METTL22: variants seen among roughly 807,000 people sequenced by gnomAD.
METTL22 encodes the protein methyltransferase 22, Kin17 lysine, also known as methyltransferase-like protein 22.
A neutral mutation model predicts 48.4 loss-of-function variants in METTL22; 51 were observed. That is an observed-to-expected ratio of 1.05 (90% CI 0.84 to 1.33). The LOEUF (loss-of-function observed/expected upper bound fraction) is 1.33. Among genes scored for constraint, METTL22 ranks in the 40% most tolerant of loss-of-function variants. The probability of loss-of-function intolerance (pLI) is 0.00; values close to 1 mark genes in which losing one functional copy is unlikely to be tolerated. For missense variants in METTL22, 678 were observed against 526.9 expected (o/e 1.29, Z -2.81); for synonymous variants, 255 against 214.1 (o/e 1.19, Z -1.67).
chr16:8,634,264 G>A (rs1196191961), intron 3 of METTL22, among the ~76,000 whole-genome samples: 2 of 152,140 alleles, frequency 1.3e-5, no homozygotes, highest in Non-Finnish European at 2.9e-5. Flanking sequence ...TTCCTGGTTC[G>A]GGGACAGACA....
chr16:8,642,655 A>G (rs1174744662), intron 9 of METTL22, 90 bp downstream of exon 9: 1 of 1,232,238 alleles, frequency 8.1e-7, no homozygotes, highest in Non-Finnish European at 1.2e-6. Context: ...TGTCATTATG[A>G]TTGTTACTCA....
At chr16:8,661,099 C>T in the METTL22 span, among the ~76,000 whole-genome samples, 2 of 152,130 alleles carry the variant, frequency 1.3e-5, no homozygotes, top group Admixed American at 6.5e-5. Flanking sequence ...AGGCACCTTG[C>T]GTCCCTGCTG....
rs112428617 is a variant in METTL22 at position 8,630,078 on chromosome 16, C to T, written c.514+968C>T. On this transcript the variant is annotated intron_variant, in intron 3 of 10. Transcript: ENST00000381920. ...GGCCGTTCATTGAGATCCAGGGTCC[C>T]CGATGGTGTCTTGAGTTCCCAGGGA... Among the ~76,000 whole-genome samples the T allele has an allele frequency of 1.2e-4, 18 of 152,250 alleles. 1 individual carries two copies. The highest frequency in any genetic ancestry group is 4.3e-4 in the African/African-American group (18 of 41,532).
intron 3 of METTL22, among the ~76,000 whole-genome samples, chr16:8,629,986 C>G (rs1039362322): frequency 8.0e-5 from 12 of 150,882 alleles, no homozygotes; most frequent in Admixed American, 7.9e-4. Context: ...CGAATCCACA[C>G]AGTGTCCACA....
intron 2 of METTL22, among the ~76,000 whole-genome samples, chr16:8,628,296 T>A (rs1421525291): frequency 3.3e-5 from 5 of 152,200 alleles, no homozygotes; most frequent in South Asian, 2.1e-4. Flanking sequence ...GATGAATGAA[T>A]GGATGATCGG....
At chr16:8,655,833 C>A in the METTL22 span, among the ~76,000 whole-genome samples, 1 of 152,220 alleles carries the variant, frequency 6.6e-6, no homozygotes, top group African/African-American at 2.4e-5. Context: ...TATTATCCAC[C>A]TAAATGTGCA....
intron 2 of METTL22, among the ~76,000 whole-genome samples, chr16:8,628,339 C>A (rs1019100609): frequency 6.6e-6 from 1 of 152,184 alleles, no homozygotes; most frequent in Non-Finnish European, 1.5e-5. Context: ...ACCCGGGATG[C>A]TGTGTGAGCT....
chr16:8,632,886 G>A (rs527503954), intron 3 of METTL22, among the ~76,000 whole-genome samples: 1 of 152,288 alleles, frequency 6.6e-6, no homozygotes, highest in African/African-American at 2.4e-5. Context: ...CAGCTGGGAG[G>A]CAGAACTTAC....
rs1596369509 is a variant in METTL22, at chr16:8,644,968, C to T, written c.1179+243C>T. 5 of 385,628 alleles carry T rather than the reference C, an allele frequency of 1.3e-5. No homozygotes were observed. The South Asian group carries it at 2.0e-4, about 16-fold the overall frequency. 23.9% of individuals were successfully genotyped at this position (385,628 alleles called of 1,614,324 possible). A position where few individuals can be genotyped will look rare whatever the true frequency, so the allele number is the denominator to read the frequency against. On this transcript the variant is annotated intron_variant, in intron 10 of 10. Transcript: ENST00000381920. ...GAACCTTGTCTTTTACTTTATAGCA[C>T]ATATTCCCCCCGTTGGACAGTTCAG... is the stretch of plus-strand genomic sequence containing the variant.
chr16:8,660,780 T>TGGAGGTGGAGGAGGAGGAGGA, the METTL22 span, among the ~76,000 whole-genome samples: 2 of 15,746 alleles, frequency 1.3e-4, 1 homozygote, highest in East Asian at 0.028. Context: ...GGGCAAGTCT[T>TGGAGGTGGAGGAGGAGGAGGA]GGAGGAGGAG....
downstream of METTL22, among the ~76,000 whole-genome samples, chr16:8,653,765 AC>A (rs2056929550): frequency 6.8e-6 from 1 of 147,256 alleles, no homozygotes; most frequent in Non-Finnish European, 1.5e-5. Context: ...AGTTAGTTAA[AC>A]CTGCTTCCCC....
At chr16:8,633,255 C>T (rs999476034) in intron 3 of METTL22, among the ~76,000 whole-genome samples, 3 of 152,052 alleles carry the variant, frequency 2.0e-5, no homozygotes, top group African/African-American at 7.2e-5. Context: ...CTTTTTAAAC[C>T]GTGTCCCTGG....
chr16:8,661,147 G>A, the METTL22 span, among the ~76,000 whole-genome samples: 1 of 152,020 alleles, frequency 6.6e-6, no homozygotes, highest in Non-Finnish European at 1.5e-5. Context: ...TGGTGCCCCA[G>A]CCTCATGAAT....
chr16:8,663,376 A>G, the METTL22 span, among the ~76,000 whole-genome samples: 2 of 151,922 alleles, frequency 1.3e-5, no homozygotes, highest in African/African-American at 4.8e-5. Context: ...TTGCCTAACC[A>G]CTTCGCCTAA....
At chr16:8,628,628 A>G in intron 2 of METTL22, 102 bp from the exon 3 acceptor site, 7 of 1,459,738 alleles carry the variant, frequency 4.8e-6, no homozygotes, top group Non-Finnish European at 6.4e-6. Flanking sequence ...CTGGCCTTTA[A>G]AAATCTTTCC....
chr16:8,633,771 A>G (rs1487025694), intron 3 of METTL22, among the ~76,000 whole-genome samples: 1 of 152,250 alleles, frequency 6.6e-6, no homozygotes, highest in Non-Finnish European at 1.5e-5. Context: ...ATGAGAAAGC[A>G]TTTAGCCCAG....
intron 5 of METTL22, among the ~76,000 whole-genome samples, chr16:8,637,381 C>A (rs2056454640): frequency 6.6e-6 from 1 of 152,016 alleles, no homozygotes; most frequent in African/African-American, 2.4e-5. Flanking sequence ...TTTGCTTCGT[C>A]CCTGGTGCCT....
At position 8,642,214 on chromosome 16, in the gene METTL22, A is replaced by C; in HGVS notation, c.907+7A>C. ...ATCCTGTTTGCAGCCGAAGGTAAGA[A>C]AATTTCTCCTTCGCCGTACACGTCC... On this transcript the variant is annotated splice_region_variant and intron_variant, in intron 8 of 10. Coordinates refer to ENST00000381920, the MANE Select transcript of METTL22 (RefSeq NM_024109.4). The C allele has an allele frequency of 6.2e-7, 1 of 1,609,594 alleles. No individual in the cohort carries two copies. The highest frequency in any genetic ancestry group is 8.5e-7 in the Non-Finnish European group (1 of 1,176,000).
At position 8,629,175 on chromosome 16, in the gene METTL22, C is replaced by T. The variant is rs1352877856; in HGVS notation, c.514+65C>T. The T allele has an allele frequency of 1.2e-5, 18 of 1,559,710 alleles. No homozygotes were observed. The East Asian group carries it at 2.5e-4, about 21-fold the overall frequency. On this transcript the variant is annotated intron_variant, in intron 3 of 10. Transcript: ENST00000381920. Reference sequence around the variant, plus strand: ...AACTCCGCAGTGTCACTGCTCAGGGCTCAGTATGATCTGAGCGTGGACTCT... The same window carrying T: ...AACTCCGCAGTGTCACTGCTCAGGGTTCAGTATGATCTGAGCGTGGACTCT...
Sources: allele counts gnomAD v4.1 joint callset (sites outside exome capture counted in the v4.1 genomes callset), GRCh38; gene constraint gnomAD v4.1.1; transcripts MANE v1.5; gene names NCBI Gene and HGNC (gene_info 2026-07-23, HGNC 2026-07-21).